The following CIT variants were observed in gnomAD, a reference collection of about 807,000 sequenced individuals.
The protein encoded by CIT is citron rho-interacting serine/threonine kinase.
In CIT, 79 loss-of-function variants were observed where a neutral mutation model predicts 272.7. The ratio of observed to expected loss-of-function variants is 0.29; its 90% CI spans 0.24 to 0.35. The LOEUF (loss-of-function observed/expected upper bound fraction) is 0.35. CIT is among the 10% of genes least tolerant of loss of function. The pLI, the probability that CIT is intolerant of heterozygous loss-of-function variation, is 1.00. For missense variants in CIT, 1,909 were observed against 2,618.3 expected (o/e 0.73, Z 5.91); for synonymous variants, 948 against 995.6 (o/e 0.95, Z 0.90).
At chr12:119,873,103 C>A (rs1191198638) in intron 2 of CIT, among the ~76,000 whole-genome samples, 1 of 151,094 alleles carries the variant, frequency 6.6e-6, no homozygotes, top group Admixed American at 6.6e-5. Flanking sequence ...TGGCCTGTTG[C>A]CTCCTATTTA....
chr12:119,867,901 T>C (rs1426089172), intron 3 of CIT, among the ~76,000 whole-genome samples: 1 of 152,138 alleles, frequency 6.6e-6, no homozygotes, highest in African/African-American at 2.4e-5. Context: ...CCTCAGCCCC[T>C]TCCTCCATTA....
At chr12:119,727,865 G>A (rs1673449640) in intron 28 of CIT, among the ~76,000 whole-genome samples, 1 of 152,042 alleles carries the variant, frequency 6.6e-6, no homozygotes, top group Admixed American at 6.5e-5. Context: ...AGGAAGTCAA[G>A]GCTGCAGTGA....
At position 119,768,156 on chromosome 12, in the gene CIT, C is replaced by G. The variant is rs1962682275; in HGVS notation, c.2209-974G>C. ...CAAACTCCTGACCTCAGGTGATCCA[C>G]CCGCCTCAGCCTCCCAAAGTGCTGG... On this transcript the variant is annotated intron_variant, in intron 18 of 47. Coordinates refer to ENST00000392521, the MANE Select transcript of CIT (RefSeq NM_001206999.2). The surrounding 1 kb of genome is among the most constrained non-coding windows in gnomAD (Gnocchi z 4.3). Among the ~76,000 whole-genome samples the G allele has an allele frequency of 6.6e-6, 1 of 152,198 alleles. No individual in the cohort carries two copies. The highest frequency in any genetic ancestry group is 1.5e-5 in the Non-Finnish European group (1 of 68,040).
At chr12:119,807,345 T>C (rs1395534922) in intron 9 of CIT, among the ~76,000 whole-genome samples, 5 of 152,230 alleles carry the variant, frequency 3.3e-5, no homozygotes, top group African/African-American at 1.2e-4. Flanking sequence ...TTTTAAGGAT[T>C]GTGTAAAATC....
rs140629821 is a variant in CIT, at chr12:119,685,935, C to T, written c.*2297G>A. ...AGAAAAAGCCTGTACTTTTGGAGAC[C>T]TAGAATCTTGATTGATGCTAATAAG... is the stretch of plus-strand genomic sequence containing the variant. On this transcript the variant is annotated 3_prime_UTR_variant, in exon 48 of 48. Coordinates refer to ENST00000392521, the MANE Select transcript of CIT (RefSeq NM_001206999.2). The T allele has an allele frequency of 6.6e-6, 1 of 152,370 alleles. No homozygotes were observed. Among genetic ancestry groups the T allele is most frequent in the Non-Finnish European group, 1.5e-5 (1 of 68,016 alleles). 9.4% of individuals were successfully genotyped at this position (152,370 alleles called of 1,614,324 possible).
chr12:119,860,555 C>T (rs1279918992), intron 3 of CIT, among the ~76,000 whole-genome samples: 1 of 152,118 alleles, frequency 6.6e-6, no homozygotes, highest in African/African-American at 2.4e-5. Flanking sequence ...TACACAAAGC[C>T]AATCTCTCCT....
At position 119,876,085 on chromosome 12, in the gene CIT, AT is replaced by A; in HGVS notation, c.83del (p.Asn28IlefsTer11). On this transcript the variant is annotated frameshift_variant, in exon 2 of 48. Transcript: ENST00000392521. LOFTEE classifies it high-confidence loss of function. ...GGTAGGCTGTTACCTGGAAGAACAG[AT>A]TCAGCCTGGAGGCCCGGCTGGCAAT... ...EPIASRASRL[N>X]LFFQGKPPFM... 1 of 1,613,342 alleles carries A rather than the reference AT, an allele frequency of 6.2e-7. No individual in the cohort carries two copies. Among genetic ancestry groups the A allele is most frequent in the Non-Finnish European group, 8.5e-7 (1 of 1,179,310 alleles).
At chr12:119,773,618 A>C (rs920183402) in intron 16 of CIT, among the ~76,000 whole-genome samples, 2 of 152,110 alleles carry the variant, frequency 1.3e-5, no homozygotes, top group Non-Finnish European at 2.9e-5. Context: ...TTTTTAGTAA[A>C]GACAGGGTTT....
chr12:119,785,204 TC>T, intron 10 of CIT, 139 bp from the exon 11 acceptor site: 1 of 896,898 alleles, frequency 1.1e-6, no homozygotes. Context: ...CCTTCCCGTT[TC>T]CCAAAGATGC....
chr12:119,783,855 C>A, intron 12 of CIT, 53 bp downstream of exon 12: 1 of 1,529,030 alleles, frequency 6.5e-7, no homozygotes, highest in Non-Finnish European at 8.8e-7. Flanking sequence ...GGATGAGACA[C>A]ACACAACAGG....
chr12:119,755,061 C>G (rs928287842), intron 22 of CIT, among the ~76,000 whole-genome samples: 1 of 152,198 alleles, frequency 6.6e-6, no homozygotes, highest in African/African-American at 2.4e-5. Context: ...AAAAGTTAAA[C>G]CATCGCCTAA....
chr12:119,765,723 C>T (rs777862833), intron 19 of CIT, among the ~76,000 whole-genome samples: 5 of 151,810 alleles, frequency 3.3e-5, no homozygotes, highest in African/African-American at 4.8e-5. Context: ...TCACCCATCT[C>T]GGCCTCCCAA....
rs535721365 is a variant in CIT at position 119,737,239 on chromosome 12, G to A, written c.2959-1882C>T. ...GGAGAATGGCATGAACCCGGGAGGC[G>A]GAGCTTGCAGTGAGCCACAATTGCG... On this transcript the variant is annotated intron_variant, in intron 24 of 47. Coordinates refer to ENST00000392521, the MANE Select transcript of CIT (RefSeq NM_001206999.2). Among the ~76,000 whole-genome samples the A allele has an allele frequency of 4.3e-4, 63 of 146,026 alleles. No individual in the cohort carries two copies. In the Middle Eastern group the frequency reaches 0.029, roughly 67 times the overall value.
At chr12:119,754,602 C>T (rs1021846594) in intron 22 of CIT, among the ~76,000 whole-genome samples, 2 of 152,194 alleles carry the variant, frequency 1.3e-5, no homozygotes, top group African/African-American at 4.8e-5. Flanking sequence ...GCTGCACACA[C>T]AAAGTTGGGG....
intron 23 of CIT, among the ~76,000 whole-genome samples, chr12:119,743,078 C>G (rs539060278): frequency 1.3e-5 from 2 of 152,024 alleles, no homozygotes; most frequent in Admixed American, 6.6e-5. Context: ...TTGACAAGGA[C>G]TTTTTTAGTG....
intron 4 of CIT, among the ~76,000 whole-genome samples, chr12:119,854,605 G>A (rs1386317377): frequency 6.6e-6 from 1 of 151,876 alleles, no homozygotes; most frequent in Non-Finnish European, 1.5e-5. Flanking sequence ...TCCGGCCACT[G>A]AACTCCAGCG....
chr12:119,744,640 G>A (rs144241563), intron 23 of CIT, among the ~76,000 whole-genome samples: 2,359 of 149,236 alleles, frequency 0.016, 72 homozygotes, highest in African/African-American at 0.056. Flanking sequence ...GGTGTGAACC[G>A]GAAGGCAGAG....
At chr12:119,746,907 A>G (rs779848526) in intron 23 of CIT, among the ~76,000 whole-genome samples, 23 of 152,254 alleles carry the variant, frequency 1.5e-4, no homozygotes, top group Admixed American at 9.2e-4. Flanking sequence ...GAAATAAGTT[A>G]TAAAACAAAT....
intron 9 of CIT, among the ~76,000 whole-genome samples, chr12:119,816,979 G>A (rs1007714680): frequency 6.6e-6 from 1 of 152,172 alleles, no homozygotes; most frequent in Non-Finnish European, 1.5e-5. Context: ...GGCCCCAAAT[G>A]TCAACAGTGC....
Sources: gnomAD v4.1 joint callset for allele counts (sites outside exome capture counted in the v4.1 genomes callset) on GRCh38, gnomAD v4.1.1 for gene constraint, Gnocchi (gnomAD v3.1) non-coding constraint, MANE v1.5 for transcripts, NCBI Gene and HGNC (gene_info 2026-07-23, HGNC 2026-07-21) for gene names.